Variants in EVI5 observed in about 807,000 individuals in gnomAD.
The protein encoded by EVI5 is ecotropic viral integration site 5.
In EVI5, 73 loss-of-function variants were observed where a neutral mutation model predicts 112.0. That is an observed-to-expected ratio of 0.65 (90% CI 0.54 to 0.79). The LOEUF (loss-of-function observed/expected upper bound fraction) is 0.79, where lower values mean the gene tolerates loss of function less well. Among genes scored for constraint, EVI5 ranks in the 30% least tolerant of loss-of-function variants. The pLI is 0.00. For missense variants in EVI5, 900 were observed against 968.8 expected (o/e 0.93, Z 0.94); for synonymous variants, 305 against 319.9 (o/e 0.95, Z 0.50).
chr1:92,767,062 G>A (rs966659214), intron 1 of EVI5, among the ~76,000 whole-genome samples: 1 of 121,948 alleles, frequency 8.2e-6, no homozygotes. Flanking sequence ...CAGCCTGGGA[G>A]ACAGAGCAAG....
rs573683240 is a variant in EVI5, at chr1:92,713,913, C to T, written c.150-9169G>A. On this transcript the variant is annotated intron_variant, in intron 2 of 19. Coordinates refer to ENST00000684568, the MANE Select transcript of EVI5 (RefSeq NM_001350197.2). ...GCTGCAATGCCAAAGTTTTAAACCA[C>T]GCAAATAATGGCTCACTCAAAATTT... 3.7e-5 allele frequency: 18 copies of T among 489,976 alleles called. No individual in the cohort carries two copies. In the East Asian group the frequency reaches 6.1e-4, roughly 16 times the overall value. 30.4% of individuals were successfully genotyped at this position (489,976 alleles called of 1,614,324 possible). A position where few individuals can be genotyped will look rare whatever the true frequency, so the allele number is the denominator to read the frequency against.
intron 10 of EVI5, among the ~76,000 whole-genome samples, chr1:92,667,674 G>A (rs1288619767): frequency 6.6e-6 from 1 of 152,178 alleles, no homozygotes; most frequent in Non-Finnish European, 1.5e-5. Flanking sequence ...GGAATGCAGT[G>A]GTGCGATCTC....
chr1:92,533,984 A>G (rs956381936), intron 19 of EVI5, among the ~76,000 whole-genome samples: 1 of 152,200 alleles, frequency 6.6e-6, no homozygotes, highest in Admixed American at 6.5e-5. Flanking sequence ...GAGAAGAAGT[A>G]AAATTGTCTC....
chr1:92,518,621 G>A (rs1187280235), intron 19 of EVI5, among the ~76,000 whole-genome samples: 2 of 149,878 alleles, frequency 1.3e-5, no homozygotes, highest in African/African-American at 2.5e-5. Context: ...CCGAGAAGCC[G>A]GGAAAAAACT....
chr1:92,693,922 A>C (rs79573976), intron 8 of EVI5, 23 bp from the exon 9 acceptor site: 2 of 1,352,908 alleles, frequency 1.5e-6, no homozygotes, highest in Non-Finnish European at 1.0e-6. Flanking sequence ...TAAAAAAAAA[A>C]CATAAGAATG....
chr1:92,666,115 A>G (rs1664842485), intron 10 of EVI5, 123 bp from the exon 11 acceptor site: 1 of 604,882 alleles, frequency 1.7e-6, no homozygotes, highest in South Asian at 2.1e-5. Flanking sequence ...GAATGATTAC[A>G]TTATCAAATG....
At chr1:92,546,499 C>T (rs1553176701) in intron 19 of EVI5, among the ~76,000 whole-genome samples, 1 of 152,092 alleles carries the variant, frequency 6.6e-6, no homozygotes, top group Non-Finnish European at 1.5e-5. Flanking sequence ...GAGTTCAAGA[C>T]CAGCCTGGCC....
At chr1:92,612,307 GA>G (rs1269208124) in intron 16 of EVI5, among the ~76,000 whole-genome samples, 2 of 152,042 alleles carry the variant, frequency 1.3e-5, no homozygotes, top group African/African-American at 4.8e-5. Flanking sequence ...AAAAAAGAAA[GA>G]AACCAAAAGT....
intron 1 of EVI5, among the ~76,000 whole-genome samples, chr1:92,765,351 G>A (rs532244569): frequency 9.5e-4 from 142 of 149,494 alleles, no homozygotes; most frequent in Non-Finnish European, 1.6e-3. Flanking sequence ...CACCAAGACC[G>A]GCTGCTTTAT....
At chr1:92,784,543 G>A in intron 1 of EVI5, 1 of 468,226 alleles carries the variant, frequency 2.1e-6, no homozygotes, top group Non-Finnish European at 2.4e-6. Flanking sequence ...ACGTGCCCCC[G>A]AAGCTGCTCC....
chr1:92,756,840 TG>T, intron 1 of EVI5: 1 of 501,004 alleles, frequency 2.0e-6, no homozygotes, highest in Non-Finnish European at 4.0e-6. Context: ...GCACTGGTAT[TG>T]GGCTGTCCCT....
chr1:92,633,969 G>C (rs1199009806), intron 14 of EVI5, among the ~76,000 whole-genome samples: 3 of 152,094 alleles, frequency 2.0e-5, no homozygotes, highest in African/African-American at 4.8e-5. Context: ...TGAAATTCTG[G>C]GTTGAAAATT....
intron 10 of EVI5, among the ~76,000 whole-genome samples, chr1:92,667,772 C>T (rs968853423): frequency 5.9e-5 from 9 of 152,144 alleles, no homozygotes; most frequent in Non-Finnish European, 1.0e-4. Flanking sequence ...CATGCCACCA[C>T]GCTCAGCTAA....
chr1:92,668,112 TGAGA>T (rs770411227), intron 10 of EVI5, among the ~76,000 whole-genome samples: 54 of 152,176 alleles, frequency 3.5e-4, no homozygotes, highest in Non-Finnish European at 5.4e-4. Context: ...TTCAGGGAAA[TGAGA>T]GACTCTATGA....
intron 19 of EVI5, among the ~76,000 whole-genome samples, chr1:92,534,277 G>C (rs554235484): frequency 6.6e-6 from 1 of 152,046 alleles, no homozygotes; most frequent in Non-Finnish European, 1.5e-5. Flanking sequence ...AAGGAAATAA[G>C]AGAGGACACA....
intron 9 of EVI5, among the ~76,000 whole-genome samples, chr1:92,678,931 G>A (rs887147705): frequency 6.6e-6 from 1 of 152,170 alleles, no homozygotes; most frequent in Non-Finnish European, 1.5e-5. Flanking sequence ...AGATTTGACT[G>A]CTACATTACT....
chr1:92,760,376 G>A (rs1681627117), intron 1 of EVI5, among the ~76,000 whole-genome samples: 3 of 152,080 alleles, frequency 2.0e-5, no homozygotes. Context: ...GAATAAGAGA[G>A]GGTACTAGTC....
chr1:92,682,838 C>T (rs1667836201), intron 9 of EVI5, among the ~76,000 whole-genome samples: 1 of 152,206 alleles, frequency 6.6e-6, no homozygotes, highest in Non-Finnish European at 1.5e-5. Flanking sequence ...TCATCCTATG[C>T]CATCCTGTGG....
chr1:92,689,672 A>G (rs953666744), intron 9 of EVI5, among the ~76,000 whole-genome samples: 1 of 152,090 alleles, frequency 6.6e-6, no homozygotes, highest in Non-Finnish European at 1.5e-5. Flanking sequence ...CGTGGCCACA[A>G]TAAGAACTCT....
Sources: gnomAD v4.1 joint callset for allele counts (sites outside exome capture counted in the v4.1 genomes callset) on GRCh38, gnomAD v4.1.1 for gene constraint, MANE v1.5 for transcripts, NCBI Gene and HGNC (gene_info 2026-07-23, HGNC 2026-07-21) for gene names.